GRB2: variants seen among roughly 807,000 people sequenced by gnomAD.
GRB2 encodes the protein growth factor receptor-bound protein 2.
GRB2 carries 2 observed loss-of-function variants against 27.4 expected under a neutral mutation model. The ratio of observed to expected loss-of-function variants is 0.07; its 90% confidence interval spans 0.03 to 0.23. The LOEUF is 0.23. Among genes scored for constraint, GRB2 ranks in the 10% least tolerant of loss-of-function variants. The pLI, the probability that GRB2 is intolerant of heterozygous loss-of-function variation, is 1.00. For synonymous variants in GRB2, 94 were observed against 99.6 expected (o/e 0.94, Z 0.33); for missense variants, 102 against 282.4 (o/e 0.36, Z 4.58).
At chr17:75,369,444 C>T (rs905876449) in intron 2 of GRB2, among the ~76,000 whole-genome samples, 2 of 152,018 alleles carry the variant, frequency 1.3e-5, no homozygotes. Flanking sequence ...GCATAGTCAA[C>T]CTTATATTGA....
chr17:75,321,956 C>T (rs1205777252), intron 4 of GRB2, 129 bp from the exon 5 acceptor site: 1 of 799,996 alleles, frequency 1.3e-6, no homozygotes, highest in Non-Finnish European at 2.0e-6. Context: ...TGCAGAGCAA[C>T]AAGTTTCCTC....
intron 2 of GRB2, among the ~76,000 whole-genome samples, chr17:75,390,126 A>C (rs2145870203): frequency 6.6e-6 from 1 of 152,262 alleles, no homozygotes; most frequent in East Asian, 1.9e-4. Context: ...TGAACTCAAG[A>C]CCTGTTTTTA....
chr17:75,375,293 T>G lies in GRB2; in HGVS notation c.78+18258A>C, dbSNP rs528647984. Among the ~76,000 whole-genome samples the G allele has an allele frequency of 5.5e-4, 84 of 151,896 alleles. 1 individual carries two copies. The highest frequency in any genetic ancestry group is 2.0e-3 in the African/African-American group (81 of 41,434). ...TTTCATGTTCTCAACTGGATACAAA[T>G]CCACAAAAGCTCACATTATTCTTTC... is the stretch of plus-strand genomic sequence containing the variant. On this transcript the variant is annotated intron_variant, in intron 2 of 5. Transcript: ENST00000316804.
chr17:75,370,123 T>C (rs2078846435), intron 2 of GRB2, among the ~76,000 whole-genome samples: 1 of 152,224 alleles, frequency 6.6e-6, no homozygotes, highest in South Asian at 2.1e-4. Flanking sequence ...AATTCATTAT[T>C]TTGTGGATAT....
chr17:75,364,125 C>G (rs940143461), intron 2 of GRB2, among the ~76,000 whole-genome samples: 6 of 152,102 alleles, frequency 3.9e-5, no homozygotes, highest in African/African-American at 1.4e-4. Context: ...TCAGTATGTT[C>G]CAAAAAATAT....
At chr17:75,324,522 T>TGTTTTG (rs1350827214) in intron 4 of GRB2, among the ~76,000 whole-genome samples, 35 of 89,994 alleles carry the variant, frequency 3.9e-4, no homozygotes, top group African/African-American at 1.0e-3. Context: ...TTTTTTTTTT[T>TGTTTTG]TTTTTTTTTT....
At chr17:75,383,254 C>T (rs1320043172) in intron 2 of GRB2, among the ~76,000 whole-genome samples, 1 of 152,092 alleles carries the variant, frequency 6.6e-6, no homozygotes, top group African/African-American at 2.4e-5. Flanking sequence ...AAAGAGGCCC[C>T]CAGTAGGACA....
intron 2 of GRB2, among the ~76,000 whole-genome samples, chr17:75,392,220 T>TA (rs1190304262): frequency 4.0e-5 from 6 of 151,502 alleles, no homozygotes; most frequent in African/African-American, 1.5e-4. Flanking sequence ...AATAGAAACC[T>TA]AGTTTCTAGA....
At chr17:75,353,295 G>A (rs1048722299) in intron 2 of GRB2, among the ~76,000 whole-genome samples, 3 of 151,926 alleles carry the variant, frequency 2.0e-5, no homozygotes, top group African/African-American at 4.8e-5. Context: ...TTGGCCCTCT[G>A]CGTAAGTGGG....
chr17:75,349,653 AG>A (rs1347536409), intron 2 of GRB2, among the ~76,000 whole-genome samples: 2 of 151,396 alleles, frequency 1.3e-5, no homozygotes, highest in Non-Finnish European at 2.9e-5. Context: ...CCAAGTAGCT[AG>A]GATTGCAGGC....
At chr17:75,356,896 CTTTTAA>C in intron 2 of GRB2, among the ~76,000 whole-genome samples, 1 of 152,350 alleles carries the variant, frequency 6.6e-6, no homozygotes, top group Non-Finnish European at 1.5e-5. Context: ...ATCTCACTAA[CTTTTAA>C]ACATTCAGGT....
At chr17:75,369,690 C>CAAAAA (rs35811117) in intron 2 of GRB2, among the ~76,000 whole-genome samples, 1 of 120,634 alleles carries the variant, frequency 8.3e-6, no homozygotes, top group Admixed American at 8.8e-5. Context: ...CCGTCTCCAC[C>CAAAAA]AAAAAAAAAA....
chr17:75,363,673 C>A (rs1254283628), intron 2 of GRB2, among the ~76,000 whole-genome samples: 1 of 151,622 alleles, frequency 6.6e-6, no homozygotes, highest in Non-Finnish European at 1.5e-5. Flanking sequence ...TCCTGGCCAA[C>A]ATGGCGAAAC....
chr17:75,401,451 CAAAAAAA>C (rs71161209), intron 1 of GRB2, among the ~76,000 whole-genome samples: 1 of 79,050 alleles, frequency 1.3e-5, no homozygotes, highest in Non-Finnish European at 2.3e-5. Flanking sequence ...GACTCCGTCT[CAAAAAAA>C]AAAAAAAAAA....
intron 2 of GRB2, among the ~76,000 whole-genome samples, chr17:75,366,137 C>T (rs1243389872): frequency 1.3e-5 from 2 of 151,806 alleles, no homozygotes; most frequent in Non-Finnish European, 2.9e-5. Flanking sequence ...AAATACCTTG[C>T]AGCCGTTACA....
In GRB2 at chr17:75,340,198, T is replaced by G. The variant is rs182722475; in HGVS notation, c.79-7401A>C. Among the ~76,000 whole-genome samples the G allele has an allele frequency of 6.6e-4, 100 of 152,334 alleles. 1 individual carries two copies. Among genetic ancestry groups the G allele is most frequent in the Admixed American group, 6.4e-3 (98 of 15,300 alleles). ...CAACATTTCTTCAGGGAAAAATTAT[T>G]CAAAGTTTTATCAATCTGTGAAGCA... On this transcript the variant is annotated intron_variant, in intron 2 of 5. Coordinates refer to ENST00000316804, the MANE Select transcript of GRB2 (RefSeq NM_002086.5).
intron 2 of GRB2, chr17:75,387,597 G>C (rs1180932805): frequency 6.6e-6 from 1 of 152,038 alleles, no homozygotes; most frequent in Non-Finnish European, 1.5e-5. Context: ...AGGAGTTTAA[G>C]ACCAGCCTGG....
In GRB2 at chr17:75,385,345, C is replaced by T. The variant is rs1287929252; in HGVS notation, c.78+8206G>A. On this transcript the variant is annotated intron_variant, in intron 2 of 5. Coordinates refer to ENST00000316804, the MANE Select transcript of GRB2 (RefSeq NM_002086.5). The stretch of plus-strand genomic sequence containing the variant: ...TGCGTTCAGGATTTTGAGACCAGCC[C>T]GGCCAACATGGTGAAACACTGTCTC... 3.9e-5 allele frequency among the ~76,000 whole-genome samples: 6 copies of T among 151,926 alleles called. No individual in the cohort carries two copies. The East Asian group carries it at 9.7e-4, about 24-fold the overall frequency.
At chr17:75,378,010 G>C (rs1039460887) in intron 2 of GRB2, among the ~76,000 whole-genome samples, 2 of 152,154 alleles carry the variant, frequency 1.3e-5, no homozygotes, top group African/African-American at 4.8e-5. Context: ...TTCCCAGGTC[G>C]ATTCTCATTT....
Sources: allele counts gnomAD v4.1 joint callset (sites outside exome capture counted in the v4.1 genomes callset), GRCh38; gene constraint gnomAD v4.1.1; transcripts MANE v1.5; gene names NCBI Gene and HGNC (gene_info 2026-07-23, HGNC 2026-07-21).